PLEKHM3: variants seen among roughly 807,000 people sequenced by gnomAD.
PLEKHM3 encodes the protein pleckstrin homology domain-containing family M member 3.
Under a neutral mutation model 81.8 loss-of-function variants are expected in PLEKHM3, and 45 were observed. The observed-to-expected ratio is 0.55, with a 90% CI of 0.43 to 0.71. PLEKHM3 has a LOEUF of 0.71. Ranked by LOEUF, PLEKHM3 falls within the 30% of genes least tolerant of loss-of-function variation. PLEKHM3 has a pLI of 0.00. For missense variants in PLEKHM3, 788 were observed against 924.3 expected (o/e 0.85, Z 1.91); for synonymous variants, 352 against 356.4 (o/e 0.99, Z 0.14).
At chr2:207,852,196 G>A (rs2092416540) in intron 7 of PLEKHM3, among the ~76,000 whole-genome samples, 1 of 152,190 alleles carries the variant, frequency 6.6e-6, no homozygotes, top group South Asian at 2.1e-4. Flanking sequence ...GTAGCAGTAA[G>A]ATATAATGGA....
intron 1 of PLEKHM3, among the ~76,000 whole-genome samples, chr2:208,016,670 T>TACACACACAC (rs370576889): frequency 6.1e-5 from 4 of 65,066 alleles, no homozygotes; most frequent in Admixed American, 2.1e-4. Flanking sequence ...AAAAAAAAAA[T>TACACACACAC]ACACACACAC....
intron 3 of PLEKHM3, among the ~76,000 whole-genome samples, chr2:207,959,242 T>C (rs571520123): frequency 1.4e-4 from 21 of 152,320 alleles, no homozygotes; most frequent in Non-Finnish European, 2.8e-4. Flanking sequence ...GAGAATCCAA[T>C]GTATGCTGCA....
intron 2 of PLEKHM3, among the ~76,000 whole-genome samples, chr2:207,986,962 G>A (rs2106058810): frequency 6.6e-6 from 1 of 151,272 alleles, no homozygotes; most frequent in East Asian, 1.9e-4. Flanking sequence ...TTACAGGTGT[G>A]AGCCACTACA....
At chr2:207,928,530 T>C (rs1689483081) in intron 5 of PLEKHM3, among the ~76,000 whole-genome samples, 1 of 152,282 alleles carries the variant, frequency 6.6e-6, no homozygotes, top group Non-Finnish European at 1.5e-5. Context: ...GTCCAAGCAC[T>C]GTTTTAAGCA....
At chr2:207,833,444 A>G (rs1004438627) in intron 7 of PLEKHM3, among the ~76,000 whole-genome samples, 4 of 151,934 alleles carry the variant, frequency 2.6e-5, no homozygotes, top group African/African-American at 9.7e-5. Context: ...AGTGTCTGCA[A>G]CTGCAGGGAG....
intron 7 of PLEKHM3, chr2:207,852,850 G>T: frequency 2.4e-6 from 1 of 418,590 alleles, no homozygotes; most frequent in Admixed American, 3.2e-5. Flanking sequence ...AATTTAAAAA[G>T]AAAAAAAGAA....
In PLEKHM3 at chr2:208,001,916, GC is replaced by G. The variant is rs1574482803; in HGVS notation, c.-278del. 7.1e-6 allele frequency: 3 copies of G among 419,948 alleles called. No homozygotes were observed. The highest frequency in any genetic ancestry group is 8.5e-6 in the Non-Finnish European group (2 of 234,176). The allele number at this position is 419,948 out of a possible 1,614,324, so 26.0% of individuals were successfully genotyped here. ...CAGTGAGACCTCTGTGAAGACAACA[GC>G]AAGTACTTGTCAAAGCAATGCCACG... On this transcript the variant is annotated 5_prime_UTR_variant, in exon 2 of 8. It removes the in-frame stop codon of an upstream open reading frame in the 5' UTR. Transcript: ENST00000427836.
intron 6 of PLEKHM3, among the ~76,000 whole-genome samples, chr2:207,893,711 T>C (rs1407802495): frequency 6.6e-6 from 1 of 152,034 alleles, no homozygotes; most frequent in Non-Finnish European, 1.5e-5. Flanking sequence ...CTCTCAAAAG[T>C]CCTTTTTGGA....
At chr2:207,895,789 T>G (rs1688205769) in intron 6 of PLEKHM3, among the ~76,000 whole-genome samples, 1 of 152,252 alleles carries the variant, frequency 6.6e-6, no homozygotes, top group Admixed American at 6.5e-5. Context: ...GGGCATTATT[T>G]TAACTGCCAC....
intron 7 of PLEKHM3, among the ~76,000 whole-genome samples, chr2:207,842,711 T>G (rs78471623): frequency 6.6e-6 from 1 of 152,184 alleles, no homozygotes; most frequent in Non-Finnish European, 1.5e-5. Flanking sequence ...ATGGAACCGA[T>G]AGTCACAATA....
chr2:207,852,803 C>T (rs2092419412), intron 7 of PLEKHM3: 1 of 448,110 alleles, frequency 2.2e-6, no homozygotes, highest in Admixed American at 2.5e-5. Flanking sequence ...GGCCACATAT[C>T]CTTGTAATAA....
chr2:208,007,984 C>T (rs376109575), intron 1 of PLEKHM3, among the ~76,000 whole-genome samples: 3 of 152,002 alleles, frequency 2.0e-5, no homozygotes, highest in Admixed American at 6.6e-5. Flanking sequence ...ACCCGGGAGG[C>T]GGAGCTTGCA....
At chr2:207,996,768 A>C (rs1692134400) in intron 2 of PLEKHM3, among the ~76,000 whole-genome samples, 1 of 152,188 alleles carries the variant, frequency 6.6e-6, no homozygotes, top group Non-Finnish European at 1.5e-5. Context: ...AATATTTATT[A>C]TGAGGCCCAT....
intron 6 of PLEKHM3, among the ~76,000 whole-genome samples, chr2:207,873,363 G>C (rs990384437): frequency 2.6e-5 from 4 of 152,148 alleles, no homozygotes; most frequent in African/African-American, 9.7e-5. Flanking sequence ...CCATGCCTCA[G>C]TTTCCTCATC....
At position 208,001,267 on chromosome 2, in the gene PLEKHM3, G is replaced by A. The variant is rs749562668; in HGVS notation, c.373C>T (p.Arg125Cys). The change falls in exon 2 of 8, where the codon CGT becomes TGT. Residue 125 changes from arginine to cysteine, a missense_variant. Coordinates refer to ENST00000427836, the MANE Select transcript of PLEKHM3 (RefSeq NM_001080475.3). Reference sequence around the variant, plus strand: ...ACAGAACGAGGCCGGTCCCTCCGACGCTGACAGATATTGAAGAAATTAAAG... The same window carrying A: ...ACAGAACGAGGCCGGTCCCTCCGACACTGACAGATATTGAAGAAATTAAAG... ...STFNFFNICQ[R>C]RRDRPRSVND... 2.0e-5 allele frequency: 32 copies of A among 1,614,040 alleles called. No homozygotes were observed. Among genetic ancestry groups the A allele is most frequent in the East Asian group, 4.5e-5 (2 of 44,894 alleles).
chr2:208,024,428 G>T (rs1250460523), intron 1 of PLEKHM3, among the ~76,000 whole-genome samples: 1 of 151,944 alleles, frequency 6.6e-6, no homozygotes, highest in Non-Finnish European at 1.5e-5. Flanking sequence ...ATCTATTGTA[G>T]GTGCAATTTA....
rs1275580312 is a variant in PLEKHM3 at position 207,827,754 on chromosome 2, C to T, written c.*565G>A. The T allele has an allele frequency of 3.3e-5, 5 of 152,182 alleles. No homozygotes were observed. Among genetic ancestry groups the T allele is most frequent in the African/African-American group, 1.2e-4 (5 of 41,440 alleles). 9.4% of individuals were successfully genotyped at this position (152,182 alleles called of 1,614,324 possible). ...TCGGCTCTGCTTACGTGATTCCCCGCCTCCACAGGAGGAACTGAGGCGGGA... is the reference window on the plus strand; with the variant it reads ...TCGGCTCTGCTTACGTGATTCCCCGTCTCCACAGGAGGAACTGAGGCGGGA... On this transcript the variant is annotated 3_prime_UTR_variant, in exon 8 of 8. Transcript: ENST00000427836.
chr2:207,871,535 T>A (rs1293535811), intron 6 of PLEKHM3, among the ~76,000 whole-genome samples: 3 of 152,172 alleles, frequency 2.0e-5, no homozygotes, highest in Non-Finnish European at 2.9e-5. Flanking sequence ...TCTTAGGGAA[T>A]AAAAGATTTA....
intron 3 of PLEKHM3, among the ~76,000 whole-genome samples, chr2:207,949,621 G>A (rs1258552686): frequency 6.6e-6 from 1 of 152,134 alleles, no homozygotes; most frequent in Non-Finnish European, 1.5e-5. Flanking sequence ...CCTAGACAGT[G>A]GGATACTGCT....
Sources: gnomAD v4.1 joint callset for allele counts (sites outside exome capture counted in the v4.1 genomes callset) on GRCh38, gnomAD v4.1.1 for gene constraint, MANE v1.5 for transcripts, NCBI Gene and HGNC (gene_info 2026-07-23, HGNC 2026-07-21) for gene names.